Variants in CELF2 observed in about 807,000 individuals in gnomAD.
The protein encoded by CELF2 is CUG triplet repeat RNA-binding protein 2.
A neutral mutation model predicts 62.6 loss-of-function variants in CELF2; 8 were observed. The ratio of observed to expected loss-of-function variants is 0.13; its 90% confidence interval spans 0.07 to 0.23. The LOEUF (loss-of-function observed/expected upper bound fraction) is 0.23. Among genes scored for constraint, CELF2 ranks in the 10% least tolerant of loss-of-function variants. The pLI is 1.00. For synonymous variants in CELF2, 258 were observed against 250.0 expected, an observed-to-expected ratio of 1.03 and a Z score of -0.30; for missense variants, 333 against 671.0, an observed-to-expected ratio of 0.50 and a Z score of 5.56.
chr10:10,472,439 TA>T, the CELF2 span, among the ~76,000 whole-genome samples: 92 of 152,086 alleles, frequency 6.0e-4, no homozygotes, highest in Non-Finnish European at 1.1e-3. Context: ...TCTATAAATT[TA>T]ATTCTCTGGA....
In CELF2 at chr10:11,302,018, C is replaced by T. The variant is rs1030026818; in HGVS notation, c.977-12121C>T. 1.3e-5 allele frequency among the ~76,000 whole-genome samples: 2 copies of T among 152,204 alleles called. No homozygotes were observed. The highest frequency in any genetic ancestry group is 6.5e-5 in the Admixed American group (1 of 15,290). On this transcript the variant is annotated intron_variant, in intron 9 of 12. Transcript: ENST00000633077. This position sits in a 1 kb window ranked among gnomAD's most constrained non-coding sequence, Gnocchi z 5.0. ...TCAGCAGATGCCAGCTCAGTGCCCG[C>T]TGCACCAGTGATTCTCATAGTTTCT...
chr10:10,799,407 T>G (rs2131467358), intron 1 of CELF2, among the ~76,000 whole-genome samples: 1 of 151,920 alleles, frequency 6.6e-6, no homozygotes, highest in Middle Eastern at 3.4e-3. Context: ...TCGCTTAAAC[T>G]TAGGAGGTGG....
intron 1 of CELF2, among the ~76,000 whole-genome samples, chr10:10,836,160 A>G (rs1397208633): frequency 2.6e-5 from 4 of 152,200 alleles, no homozygotes; most frequent in Admixed American, 1.3e-4. Context: ...AACTGATGGA[A>G]ATAAACCAAG....
intron 2 of CELF2, among the ~76,000 whole-genome samples, chr10:10,952,917 T>C (rs2135771578): frequency 6.6e-6 from 1 of 152,344 alleles, no homozygotes. Context: ...GAATTATCTC[T>C]ACATTTTTAA....
chr10:10,640,319 C>T, the CELF2 span, among the ~76,000 whole-genome samples: 1 of 152,154 alleles, frequency 6.6e-6, no homozygotes, highest in Non-Finnish European at 1.5e-5. Context: ...TCTCCTTCTC[C>T]TCTGCCTTTT....
At position 11,172,123 on chromosome 10, in the gene CELF2, T is replaced by G. The variant is rs528190057; in HGVS notation, c.271+6441T>G. On this transcript the variant is annotated intron_variant, in intron 2 of 12. Coordinates refer to ENST00000633077, the MANE Select transcript of CELF2 (RefSeq NM_001326342.2). ...AATGGGATTTCTGTCCTACATTTCTTGAAAAGCAGGGTTGCTGCCCTAGAT... is the reference window on the plus strand; with the variant it reads ...AATGGGATTTCTGTCCTACATTTCTGGAAAAGCAGGGTTGCTGCCCTAGAT... Among the ~76,000 whole-genome samples, 7 of 152,362 alleles carry G rather than the reference T, an allele frequency of 4.6e-5. No homozygotes were observed. In the East Asian group the frequency reaches 1.2e-3, roughly 25 times the overall value.
chr10:11,251,270 ATTTTTTTTTTTTTT>A, intron 4 of CELF2, among the ~76,000 whole-genome samples: 1 of 63,310 alleles, frequency 1.6e-5, no homozygotes, highest in South Asian at 1.0e-3. Context: ...ACACAAAGGG[ATTTTTTTTTTTTTT>A]TTTTTTTTTT....
chr10:11,251,275 T>TTA (rs2077059659), intron 4 of CELF2, among the ~76,000 whole-genome samples: 1 of 136,806 alleles, frequency 7.3e-6, no homozygotes, highest in Non-Finnish European at 1.6e-5. Flanking sequence ...AAGGGATTTT[T>TTA]TTTTTTTTTT....
the CELF2 span, among the ~76,000 whole-genome samples, chr10:10,661,195 A>T: frequency 6.6e-6 from 1 of 152,224 alleles, no homozygotes; most frequent in African/African-American, 2.4e-5. Flanking sequence ...CTTGCAAAGT[A>T]ATCACTGATT....
the CELF2 span, among the ~76,000 whole-genome samples, chr10:10,570,924 G>T: frequency 6.6e-6 from 1 of 152,070 alleles, no homozygotes; most frequent in Non-Finnish European, 1.5e-5. Flanking sequence ...CTTTTTTGAG[G>T]TTGAAAGTGC....
At chr10:11,049,881 T>C (rs2063592520) in intron 1 of CELF2, among the ~76,000 whole-genome samples, 1 of 152,154 alleles carries the variant, frequency 6.6e-6, no homozygotes, top group South Asian at 2.1e-4. Flanking sequence ...CTCAGAACAT[T>C]ACCACTGCGG....
At chr10:10,808,017 TGCATGA>T (rs2055413511) in intron 1 of CELF2, among the ~76,000 whole-genome samples, 1 of 152,330 alleles carries the variant, frequency 6.6e-6, no homozygotes, top group Admixed American at 6.5e-5. Flanking sequence ...TTGAGCTGTT[TGCATGA>T]GCAGAGTAAA....
the CELF2 span, among the ~76,000 whole-genome samples, chr10:10,759,629 A>G: frequency 6.6e-6 from 1 of 152,004 alleles, no homozygotes; most frequent in African/African-American, 2.4e-5. Context: ...TTCTCTAATC[A>G]GCCAACCATG....
chr10:11,126,955 G>T (rs79965629), intron 1 of CELF2, among the ~76,000 whole-genome samples: 1 of 150,926 alleles, frequency 6.6e-6, no homozygotes. Flanking sequence ...GTGCAGGTTT[G>T]TTACATAGGT....
chr10:10,906,059 A>G (rs1178759986), intron 1 of CELF2, among the ~76,000 whole-genome samples: 3 of 152,188 alleles, frequency 2.0e-5, no homozygotes, highest in Non-Finnish European at 1.5e-5. Flanking sequence ...CGATAGAGCC[A>G]GATTCTGTCT....
chr10:11,157,697 G>A lies in CELF2; in HGVS notation c.75-7789G>A, dbSNP rs913356559. On this transcript the variant is annotated intron_variant, in intron 1 of 12. Coordinates refer to ENST00000633077, the MANE Select transcript of CELF2 (RefSeq NM_001326342.2). This position sits in a 1 kb window ranked among gnomAD's most constrained non-coding sequence, Gnocchi z 4.9. ...AAGCAGATATTCAGTAACTGAGAATGAGAAGGAAAGAAAAGGACTCAGGGT... is the reference window on the plus strand; with the variant it reads ...AAGCAGATATTCAGTAACTGAGAATAAGAAGGAAAGAAAAGGACTCAGGGT... Among the ~76,000 whole-genome samples, 1 of 152,202 alleles carries A rather than the reference G, an allele frequency of 6.6e-6. No homozygotes were observed. Among genetic ancestry groups the A allele is most frequent in the Non-Finnish European group, 1.5e-5 (1 of 68,036 alleles).
At chr10:10,714,348 T>G in the CELF2 span, among the ~76,000 whole-genome samples, 203 of 152,314 alleles carry the variant, frequency 1.3e-3, no homozygotes, top group Middle Eastern at 3.4e-3. Flanking sequence ...AAAGAAAGAA[T>G]GCAGTGCAAT....
intron 1 of CELF2, among the ~76,000 whole-genome samples, chr10:11,139,731 A>G (rs539411501): frequency 1.3e-5 from 2 of 152,254 alleles, no homozygotes; most frequent in Admixed American, 1.3e-4. Flanking sequence ...ACCCCCTGCT[A>G]TCTGATGACT....
chr10:10,560,956 A>T, the CELF2 span, among the ~76,000 whole-genome samples: 5 of 151,814 alleles, frequency 3.3e-5, no homozygotes, highest in African/African-American at 1.2e-4. Context: ...GATATGTGGG[A>T]GCTAAGCTAT....
Sources: allele counts gnomAD v4.1 joint callset (sites outside exome capture counted in the v4.1 genomes callset), GRCh38; gene constraint gnomAD v4.1.1; non-coding constraint Gnocchi (gnomAD v3.1); transcripts MANE v1.5; gene names NCBI Gene and HGNC (gene_info 2026-07-23, HGNC 2026-07-21).